ADIPOR2: variants seen among roughly 807,000 people sequenced by gnomAD.
The protein encoded by ADIPOR2 is adiponectin receptor 2, also known as adiponectin receptor protein 2.
ADIPOR2 carries 18 observed loss-of-function variants against 40.9 expected under a neutral mutation model. That is an observed-to-expected ratio of 0.44 (90% CI 0.30 to 0.65). ADIPOR2 has a LOEUF of 0.65. Ranked by LOEUF, ADIPOR2 falls within the 30% of genes least tolerant of loss-of-function variation. ADIPOR2 has a pLI of 0.09. For synonymous variants in ADIPOR2, 165 were observed against 166.4 expected (o/e 0.99, Z 0.06); for missense variants, 283 against 479.2 (o/e 0.59, Z 3.82).
At chr12:1,756,227 T>C (rs999226180) in intron 2 of ADIPOR2, among the ~76,000 whole-genome samples, 1 of 152,136 alleles carries the variant, frequency 6.6e-6, no homozygotes. Context: ...CTCGGCTCAC[T>C]GCAACCTCCG....
At chr12:1,710,009 C>T (rs1444236139) in intron 1 of ADIPOR2, among the ~76,000 whole-genome samples, 2 of 152,152 alleles carry the variant, frequency 1.3e-5, no homozygotes, top group East Asian at 3.9e-4. Flanking sequence ...ACACAGTTTT[C>T]TGTTGTTGGT....
chr12:1,706,792 A>G (rs751171313), intron 1 of ADIPOR2, among the ~76,000 whole-genome samples: 22 of 152,258 alleles, frequency 1.4e-4, no homozygotes, highest in Non-Finnish European at 2.4e-4. Context: ...TGGTTCAAGG[A>G]AACCACTGAT....
At chr12:1,717,259 T>C (rs866246610) in intron 1 of ADIPOR2, among the ~76,000 whole-genome samples, 1 of 152,342 alleles carries the variant, frequency 6.6e-6, no homozygotes. Context: ...TTTAAAGTCT[T>C]TTAAAATTTT....
intron 1 of ADIPOR2, among the ~76,000 whole-genome samples, chr12:1,738,029 C>G (rs990807892): frequency 6.6e-5 from 10 of 151,920 alleles, no homozygotes; most frequent in Admixed American, 6.6e-4. Flanking sequence ...ATTACCACTA[C>G]TTGATTTGAT....
intron 1 of ADIPOR2, among the ~76,000 whole-genome samples, chr12:1,693,564 G>A (rs1459158596): frequency 1.4e-5 from 2 of 146,824 alleles, no homozygotes; most frequent in African/African-American, 5.0e-5. Flanking sequence ...ACGGAGTTTC[G>A]TTCTTGTTGC....
intron 1 of ADIPOR2, among the ~76,000 whole-genome samples, chr12:1,750,558 A>C (rs2094766983): frequency 6.6e-6 from 1 of 152,126 alleles, no homozygotes; most frequent in Non-Finnish European, 1.5e-5. Flanking sequence ...ACAGAGTGAG[A>C]CCCTGTGTCT....
At chr12:1,773,764 A>G (rs1295327020) in intron 3 of ADIPOR2, among the ~76,000 whole-genome samples, 1 of 152,142 alleles carries the variant, frequency 6.6e-6, no homozygotes, top group East Asian at 1.9e-4. Flanking sequence ...TTAGCTTTTC[A>G]TGGCTTTTAT....
At chr12:1,744,084 A>G (rs2094749476) in intron 1 of ADIPOR2, among the ~76,000 whole-genome samples, 1 of 151,684 alleles carries the variant, frequency 6.6e-6, no homozygotes, top group Admixed American at 6.6e-5. Context: ...TATGGGATAA[A>G]ATGCTTGAAA....
rs921279887 is a variant in ADIPOR2 at position 1,743,326 on chromosome 12, A to G, written c.-86-10932A>G. On this transcript the variant is annotated intron_variant, in intron 1 of 7. Transcript: ENST00000357103. ...GACGCTGTCTAAAAAAAAAAAAAAA[A>G]AAAGAAATTCTATGAGTCTTAAATT... 8.6e-5 allele frequency among the ~76,000 whole-genome samples: 13 copies of G among 151,488 alleles called. No homozygotes were observed. In the East Asian group the frequency reaches 1.4e-3, roughly 16 times the overall value.
chr12:1,723,913 A>G (rs1047919435), intron 1 of ADIPOR2, among the ~76,000 whole-genome samples: 1 of 152,156 alleles, frequency 6.6e-6, no homozygotes, highest in African/African-American at 2.4e-5. Context: ...CAAATGCTGG[A>G]AGTAGTCCAG....
At chr12:1,728,685 T>C (rs2094713108) in intron 1 of ADIPOR2, among the ~76,000 whole-genome samples, 1 of 151,520 alleles carries the variant, frequency 6.6e-6, no homozygotes, top group African/African-American at 2.4e-5. Flanking sequence ...GATGGCGCCA[T>C]TGCACTCTAG....
At chr12:1,721,490 A>G (rs892271670) in intron 1 of ADIPOR2, among the ~76,000 whole-genome samples, 4 of 152,216 alleles carry the variant, frequency 2.6e-5, no homozygotes, top group Non-Finnish European at 5.9e-5. Flanking sequence ...TGCTGGGATT[A>G]CAGGCGTGAG....
chr12:1,771,630 A>G (rs1171410356), intron 2 of ADIPOR2, among the ~76,000 whole-genome samples: 1 of 152,214 alleles, frequency 6.6e-6, no homozygotes, highest in Non-Finnish European at 1.5e-5. Context: ...CACATGCCGC[A>G]TCATAGCCTC....
intron 1 of ADIPOR2, among the ~76,000 whole-genome samples, chr12:1,710,181 C>G (rs1307086562): frequency 6.6e-6 from 1 of 152,182 alleles, no homozygotes; most frequent in Non-Finnish European, 1.5e-5. Flanking sequence ...GACCAATCAG[C>G]AGGATATGGG....
rs574308234 is a variant in ADIPOR2 at position 1,714,627 on chromosome 12, C to T, written c.-87+23436C>T. Reference sequence around the variant, plus strand: ...TAGGACACAGGTTAACAGATGTTCACGACTCCAGTCCCCATGATCTGAGTC... The same window carrying T: ...TAGGACACAGGTTAACAGATGTTCATGACTCCAGTCCCCATGATCTGAGTC... On this transcript the variant is annotated intron_variant, in intron 1 of 7. Transcript: ENST00000357103. Among the ~76,000 whole-genome samples the T allele has an allele frequency of 1.4e-4, 21 of 152,196 alleles. 1 individual carries two copies. Among genetic ancestry groups the T allele is most frequent in the African/African-American group, 4.1e-4 (17 of 41,456 alleles).
intron 3 of ADIPOR2, among the ~76,000 whole-genome samples, chr12:1,775,083 G>T (rs540872549): frequency 6.6e-6 from 1 of 151,802 alleles, no homozygotes; most frequent in Admixed American, 6.6e-5. Context: ...TGATCTGCCC[G>T]CCTCGGCCTC....
chr12:1,784,001 C>G lies in ADIPOR2; in HGVS notation c.960C>G (p.Leu320=). 6.2e-7 allele frequency: 1 copy of G among 1,613,904 alleles called. No individual in the cohort carries two copies. Among genetic ancestry groups the G allele is most frequent in the Non-Finnish European group, 8.5e-7 (1 of 1,179,908 alleles). ...QIGWLMLMAS[L]YITGAALYAA... ...GCTGGTTGATGCTGATGGCCAGCCT[C>G]TACATCACAGGAGCTGCCCTGTATG... The change falls in exon 7 of 8, where the codon CTC becomes CTG. Residue 320 remains leucine, a synonymous_variant. Coordinates refer to ENST00000357103, the MANE Select transcript of ADIPOR2 (RefSeq NM_024551.3).
At position 1,730,312 on chromosome 12, in the gene ADIPOR2, T is replaced by TA. The variant is rs1274438226; in HGVS notation, c.-86-23945dup. Among the ~76,000 whole-genome samples, 8 of 151,702 alleles carry TA rather than the reference T, an allele frequency of 5.3e-5. 1 individual carries two copies. Among genetic ancestry groups the TA allele is most frequent in the Non-Finnish European group, 7.4e-5 (5 of 67,952 alleles). On this transcript the variant is annotated intron_variant, in intron 1 of 7. Coordinates refer to ENST00000357103, the MANE Select transcript of ADIPOR2 (RefSeq NM_024551.3). ...TTAGTGTTCTCAGAATCTTAGGAGATACGTTATTTGAAACAGTTGTTCAGG... is the reference window on the plus strand; with the variant it reads ...TTAGTGTTCTCAGAATCTTAGGAGATAACGTTATTTGAAACAGTTGTTCAGG...
At chr12:1,774,025 A>AT (rs1400864354) in intron 3 of ADIPOR2, among the ~76,000 whole-genome samples, 1 of 152,208 alleles carries the variant, frequency 6.6e-6, no homozygotes, top group Non-Finnish European at 1.5e-5. Flanking sequence ...CAGTTTGAAA[A>AT]TGAGTGAAGA....
Sources: allele counts gnomAD v4.1 joint callset (sites outside exome capture counted in the v4.1 genomes callset), GRCh38; gene constraint gnomAD v4.1.1; transcripts MANE v1.5; gene names NCBI Gene and HGNC (gene_info 2026-07-23, HGNC 2026-07-21).